TMEM132D: variants seen among roughly 807,000 people sequenced by gnomAD.
TMEM132D encodes the protein transmembrane protein 132D.
In TMEM132D, 21 loss-of-function variants were observed where a neutral mutation model predicts 62.3. The observed-to-expected ratio is 0.34, with a 90% CI of 0.24 to 0.49. The LOEUF (loss-of-function observed/expected upper bound fraction) is 0.49, where lower values mean the gene tolerates loss of function less well. Among genes scored for constraint, TMEM132D ranks in the 20% least tolerant of loss-of-function variants. TMEM132D has a pLI of 0.99. For missense variants in TMEM132D, 1,346 were observed against 1,402.8 expected (o/e 0.96, Z 0.65); for synonymous variants, 621 against 575.6 (o/e 1.08, Z -1.13).
intron 2 of TMEM132D, among the ~76,000 whole-genome samples, chr12:129,641,630 A>C (rs1486917024): frequency 6.6e-6 from 1 of 152,148 alleles, no homozygotes; most frequent in Non-Finnish European, 1.5e-5. Flanking sequence ...TGTTGGCCTA[A>C]GGTGGTTTCA....
chr12:129,802,668 G>T (rs1266557705), intron 1 of TMEM132D, among the ~76,000 whole-genome samples: 1 of 145,286 alleles, frequency 6.9e-6, no homozygotes, highest in Non-Finnish European at 1.5e-5. Flanking sequence ...ATAATGACAG[G>T]ATCAAACTCA....
chr12:129,103,665 G>C (rs1411855336), intron 5 of TMEM132D, among the ~76,000 whole-genome samples: 2 of 152,172 alleles, frequency 1.3e-5, no homozygotes, highest in African/African-American at 4.8e-5. Flanking sequence ...TTACAGGCGT[G>C]AGCCACCACG....
chr12:129,824,487 C>T (rs992962673), intron 1 of TMEM132D, among the ~76,000 whole-genome samples: 5 of 152,010 alleles, frequency 3.3e-5, no homozygotes, highest in East Asian at 1.9e-4. Context: ...CCAAGTATGA[C>T]GGATTCAGGA....
chr12:129,735,671 G>A (rs1231881435), intron 1 of TMEM132D, among the ~76,000 whole-genome samples: 1 of 152,110 alleles, frequency 6.6e-6, no homozygotes, highest in Non-Finnish European at 1.5e-5. Context: ...TAGAAAAAAA[G>A]AGCAAATGCT....
chr12:129,267,513 C>T (rs1174841424), intron 4 of TMEM132D, among the ~76,000 whole-genome samples: 1 of 152,128 alleles, frequency 6.6e-6, no homozygotes, highest in Non-Finnish European at 1.5e-5. Flanking sequence ...AACTACAAAC[C>T]ACTGCTCAAT....
At chr12:129,622,379 G>A (rs1879097836) in intron 2 of TMEM132D, among the ~76,000 whole-genome samples, 1 of 152,116 alleles carries the variant, frequency 6.6e-6, no homozygotes, top group Non-Finnish European at 1.5e-5. Flanking sequence ...CCTTGGCAAG[G>A]GTCACTAGGG....
At chr12:129,297,343 G>A (rs1204124570) in intron 4 of TMEM132D, among the ~76,000 whole-genome samples, 1 of 152,264 alleles carries the variant, frequency 6.6e-6, no homozygotes, top group African/African-American at 2.4e-5. Context: ...AGGCCTCACA[G>A]TGGGTTCAAG....
chr12:129,409,854 A>C (rs1056114075), intron 3 of TMEM132D, among the ~76,000 whole-genome samples: 1 of 152,348 alleles, frequency 6.6e-6, no homozygotes, highest in Non-Finnish European at 1.5e-5. Context: ...TCATGCTTGC[A>C]TGAGAAAGCT....
chr12:129,406,375 C>A (rs572377999), intron 3 of TMEM132D, among the ~76,000 whole-genome samples: 1 of 152,288 alleles, frequency 6.6e-6, no homozygotes, highest in Admixed American at 6.5e-5. Flanking sequence ...AATCCCACCA[C>A]TTTGGGAGGT....
chr12:129,728,161 A>G (rs1197650286), intron 1 of TMEM132D, among the ~76,000 whole-genome samples: 2 of 152,254 alleles, frequency 1.3e-5, no homozygotes, highest in Non-Finnish European at 2.9e-5. Flanking sequence ...TCCCACATCA[A>G]TCCATCATGA....
intron 3 of TMEM132D, among the ~76,000 whole-genome samples, chr12:129,375,096 C>G (rs1870745705): frequency 6.6e-6 from 1 of 152,220 alleles, no homozygotes; most frequent in African/African-American, 2.4e-5. Flanking sequence ...CAACACTCTG[C>G]TCCGGGAACT....
intron 2 of TMEM132D, among the ~76,000 whole-genome samples, chr12:129,673,720 G>A (rs948416814): frequency 1.3e-5 from 2 of 152,144 alleles, no homozygotes; most frequent in Non-Finnish European, 2.9e-5. Context: ...CACTTCCAGT[G>A]TCTAATGGAG....
intron 2 of TMEM132D, among the ~76,000 whole-genome samples, chr12:129,602,916 G>A (rs1878519614): frequency 6.6e-6 from 1 of 152,152 alleles, no homozygotes; most frequent in Admixed American, 6.5e-5. Flanking sequence ...GAGGTGCTGA[G>A]CAAAAGGGTT....
intron 3 of TMEM132D, among the ~76,000 whole-genome samples, chr12:129,356,984 C>G (rs1033087152): frequency 2.7e-5 from 4 of 145,666 alleles, no homozygotes; most frequent in Non-Finnish European, 6.0e-5. Context: ...TGATGGCTCA[C>G]GTCTGTAATC....
intron 1 of TMEM132D, among the ~76,000 whole-genome samples, chr12:129,736,813 CT>C (rs34164181): frequency 0.19 from 24,226 of 126,760 alleles, 2,038 homozygotes; most frequent in African/African-American, 0.28. Flanking sequence ...ATGATGGTGC[CT>C]TTTTTTTTTT....
intron 3 of TMEM132D, among the ~76,000 whole-genome samples, chr12:129,404,931 T>C (rs1871736167): frequency 6.6e-6 from 1 of 152,182 alleles, no homozygotes; most frequent in African/African-American, 2.4e-5. Flanking sequence ...ATCATTTATT[T>C]TTTTAATATG....
intron 3 of TMEM132D, among the ~76,000 whole-genome samples, chr12:129,422,538 A>T (rs1258428957): frequency 2.0e-5 from 3 of 152,222 alleles, no homozygotes; most frequent in African/African-American, 7.2e-5. Context: ...TTAGATTAAC[A>T]TCTAGGTCTG....
intron 3 of TMEM132D, among the ~76,000 whole-genome samples, chr12:129,476,344 G>C (rs915155222): frequency 2.6e-5 from 4 of 152,142 alleles, no homozygotes; most frequent in African/African-American, 9.7e-5. Flanking sequence ...AAAGAGACAA[G>C]AGCAACTTCC....
At chr12:129,647,000 A>G (rs1460973786) in intron 2 of TMEM132D, among the ~76,000 whole-genome samples, 5 of 151,728 alleles carry the variant, frequency 3.3e-5, no homozygotes, top group African/African-American at 1.2e-4. Flanking sequence ...GGGTCTCCCC[A>G]TGTTGGCCAG....
Sources: allele counts gnomAD v4.1 joint callset (sites outside exome capture counted in the v4.1 genomes callset), GRCh38; gene constraint gnomAD v4.1.1; transcripts MANE v1.5; gene names NCBI Gene and HGNC (gene_info 2026-07-23, HGNC 2026-07-21).